ERCC8: variants seen among roughly 807,000 people sequenced by gnomAD.
The protein encoded by ERCC8 is DNA excision repair protein ERCC-8.
A neutral mutation model predicts 54.9 loss-of-function variants in ERCC8; 52 were observed. The observed-to-expected ratio is 0.95, with a 90% CI of 0.76 to 1.19. ERCC8 has a LOEUF of 1.19. Among genes scored for constraint, ERCC8 ranks in the 50% most tolerant of loss-of-function variants. The pLI, the probability that ERCC8 is intolerant of heterozygous loss-of-function variation, is 0.00. For missense variants in ERCC8, 514 were observed against 466.1 expected, an observed-to-expected ratio of 1.10 and a Z score of -0.95; for synonymous variants, 146 against 157.2, an observed-to-expected ratio of 0.93 and a Z score of 0.53.
At chr5:60,926,166 A>T (rs189707531) in intron 2 of ERCC8, among the ~76,000 whole-genome samples, 5 of 152,268 alleles carry the variant, frequency 3.3e-5, no homozygotes, top group Admixed American at 2.0e-4. Context: ...AGTTTTTGGC[A>T]CTACATTCAC....
chr5:60,936,245 G>A (rs1750062494), intron 1 of ERCC8, among the ~76,000 whole-genome samples: 1 of 152,062 alleles, frequency 6.6e-6, no homozygotes, highest in Non-Finnish European at 1.5e-5. Context: ...TTTAATCTAG[G>A]AGGGTTGCGT....
At chr5:60,915,280 T>C (rs539923255) in intron 4 of ERCC8, 1 of 152,190 alleles carries the variant, frequency 6.6e-6, no homozygotes, top group East Asian at 1.9e-4. Flanking sequence ...AGTTTCTGTT[T>C]TGAGTGCTAG....
At position 60,945,047 on chromosome 5, in the gene ERCC8, A is replaced by T; in HGVS notation, c.-39T>A. The T allele has an allele frequency of 6.4e-7, 1 of 1,567,352 alleles. No homozygotes were observed. On this transcript the variant is annotated 5_prime_UTR_variant, in exon 1 of 12. An upstream start codon of the reference 5' UTR is lost. Coordinates refer to ENST00000676185, the MANE Select transcript of ERCC8 (RefSeq NM_000082.4). ...ACCGGCTGGAGCACTGGACGTCGCCATGACAGAGCTCAGGGGCGGGACTGG... is the reference window on the plus strand; with the variant it reads ...ACCGGCTGGAGCACTGGACGTCGCCTTGACAGAGCTCAGGGGCGGGACTGG...
At chr5:60,923,245 A>C (rs1360521120) in intron 2 of ERCC8, among the ~76,000 whole-genome samples, 1 of 152,180 alleles carries the variant, frequency 6.6e-6, no homozygotes, top group Non-Finnish European at 1.5e-5. Context: ...AAATATTTCT[A>C]AAAAGTAAAA....
At chr5:60,889,644 G>C (rs951218440) in intron 10 of ERCC8, among the ~76,000 whole-genome samples, 2 of 152,178 alleles carry the variant, frequency 1.3e-5, no homozygotes, top group African/African-American at 4.8e-5. Context: ...TATTAGAGAA[G>C]CTCCAATTTG....
At position 60,903,169 on chromosome 5, in the gene ERCC8, T is replaced by C. The variant is rs778841687; in HGVS notation, c.550+479A>G. 3.4e-4 allele frequency among the ~76,000 whole-genome samples: 52 copies of C among 151,968 alleles called. 1 individual carries two copies. Among genetic ancestry groups the C allele is most frequent in the Non-Finnish European group, 2.2e-4 (15 of 67,848 alleles). Reference sequence around the variant, plus strand: ...ATATAAATTATATTCTATCTTTTCATTGTTTAGAATTAGACAATCTAATAC... The same window carrying C: ...ATATAAATTATATTCTATCTTTTCACTGTTTAGAATTAGACAATCTAATAC... On this transcript the variant is annotated intron_variant, in intron 6 of 11. Transcript: ENST00000676185.
intron 11 of ERCC8, among the ~76,000 whole-genome samples, chr5:60,875,878 A>G (rs969209920): frequency 1.5e-5 from 2 of 132,206 alleles, no homozygotes; most frequent in South Asian, 4.6e-4. Context: ...TTATATTTTA[A>G]TTTATTTATT....
intron 11 of ERCC8, 122 bp from the exon 12 acceptor site, chr5:60,874,805 T>A: frequency 1.3e-6 from 1 of 782,444 alleles, no homozygotes; most frequent in Non-Finnish European, 2.1e-6. Flanking sequence ...TGGAAGAAAA[T>A]GTATAACTGT....
Position 60,867,893 on chromosome 5 carries a change from A to T in ERCC8, c.*6722T>A, listed in dbSNP as rs1041575815. On this transcript the variant is annotated 3_prime_UTR_variant, in exon 12 of 12. Coordinates refer to ENST00000676185, the MANE Select transcript of ERCC8 (RefSeq NM_000082.4). ...AATAAATTGTTGCCTTAAAGAGCTG[A>T]CTACAGGCTGGCCGCGGTGGCTCAT... Among the ~76,000 whole-genome samples, 5 of 152,216 alleles carry T rather than the reference A, an allele frequency of 3.3e-5. No homozygotes were observed. Among genetic ancestry groups the T allele is most frequent in the African/African-American group, 7.2e-5 (3 of 41,466 alleles).
intron 1 of ERCC8, 81 bp downstream of exon 1, chr5:60,944,851 C>G: frequency 3.8e-6 from 4 of 1,042,484 alleles, no homozygotes; most frequent in Non-Finnish European, 6.1e-6. Flanking sequence ...AGCGATGAGA[C>G]GGGAAAGTGT....
intron 1 of ERCC8, among the ~76,000 whole-genome samples, chr5:60,942,675 G>A (rs531113079): frequency 3.2e-4 from 49 of 152,214 alleles, no homozygotes; most frequent in East Asian, 1.9e-4. Flanking sequence ...ATAAATGACC[G>A]TCAAAAATTT....
intron 4 of ERCC8, among the ~76,000 whole-genome samples, chr5:60,913,599 C>T (rs1749338591): frequency 6.6e-6 from 1 of 152,056 alleles, no homozygotes; most frequent in South Asian, 2.1e-4. Flanking sequence ...TCCTTCAGTT[C>T]TACTCTGATC....
At position 60,867,410 on chromosome 5, in the gene ERCC8, G is replaced by A. The variant is rs1747776280; in HGVS notation, c.*7205C>T. 6.6e-6 allele frequency among the ~76,000 whole-genome samples: 1 copy of A among 152,074 alleles called. No homozygotes were observed. The highest frequency in any genetic ancestry group is 2.1e-4 in the South Asian group (1 of 4,830). On this transcript the variant is annotated 3_prime_UTR_variant, in exon 12 of 12. Coordinates refer to ENST00000676185, the MANE Select transcript of ERCC8 (RefSeq NM_000082.4). ...GCTGGGTTTACAGGTGTGAGCCACT[G>A]CGCCTGGCCTTATTTCTTTATAAAG...
At chr5:60,875,037 T>C (rs1465330130) in intron 11 of ERCC8, among the ~76,000 whole-genome samples, 1 of 152,222 alleles carries the variant, frequency 6.6e-6, no homozygotes, top group Non-Finnish European at 1.5e-5. Flanking sequence ...CACTCTGATA[T>C]CCATAGGCTA....
At chr5:60,901,379 A>G (rs1748899606) in intron 7 of ERCC8, among the ~76,000 whole-genome samples, 1 of 152,016 alleles carries the variant, frequency 6.6e-6, no homozygotes, top group African/African-American at 2.4e-5. Context: ...GGCTTAGTAC[A>G]GCTGTGCTCT....
chr5:60,922,092 T>C lies in ERCC8; in HGVS notation c.237A>G (p.Gln79=), dbSNP rs56376749. The stretch of plus-strand genomic sequence containing the variant: ...ACACTGCTTTACATGTGTAATAAGA[T>C]TGTCTGCTGGAGTTCTCAAGGTCAT... ...VLYDLENSSR[Q]SYYTCKAVCS... The change falls in exon 3 of 12, where the codon CAA becomes CAG. Residue 79 remains glutamine, a synonymous_variant. Coordinates refer to ENST00000676185, the MANE Select transcript of ERCC8 (RefSeq NM_000082.4). 9.9e-5 allele frequency: 159 copies of C among 1,610,592 alleles called. 1 individual carries two copies. Among genetic ancestry groups the C allele is most frequent in the East Asian group, 5.4e-4 (24 of 44,732 alleles).
rs747082164 is a variant in ERCC8 at position 60,867,907 on chromosome 5, G to A, written c.*6708C>T. Among the ~76,000 whole-genome samples, 10 of 152,324 alleles carry A rather than the reference G, an allele frequency of 6.6e-5. No homozygotes were observed. The highest frequency in any genetic ancestry group is 2.1e-4 in the South Asian group (1 of 4,828). ...TTAAAGAGCTGACTACAGGCTGGCC[G>A]CGGTGGCTCATGCCTGTAATCCCTG... On this transcript the variant is annotated 3_prime_UTR_variant, in exon 12 of 12. Coordinates refer to ENST00000676185, the MANE Select transcript of ERCC8 (RefSeq NM_000082.4).
chr5:60,934,527 C>A (rs1561517384), intron 1 of ERCC8, among the ~76,000 whole-genome samples: 1 of 152,294 alleles, frequency 6.6e-6, no homozygotes, highest in East Asian at 1.9e-4. Flanking sequence ...TGTGGGTTGT[C>A]TGTTTACTCT....
At chr5:60,891,884 C>G in intron 9 of ERCC8, 2 of 447,684 alleles carry the variant, frequency 4.5e-6, no homozygotes, top group Non-Finnish European at 8.9e-6. Flanking sequence ...ATCTCCCGTC[C>G]CACTGGAACT....
Sources: allele counts gnomAD v4.1 joint callset (sites outside exome capture counted in the v4.1 genomes callset), GRCh38; gene constraint gnomAD v4.1.1; transcripts MANE v1.5; gene names NCBI Gene and HGNC (gene_info 2026-07-23, HGNC 2026-07-21).